PRPSAP2: variants seen among roughly 807,000 people sequenced by gnomAD.
PRPSAP2 encodes the protein phosphoribosyl pyrophosphate synthetase associated protein 2.
Under a neutral mutation model 40.6 loss-of-function variants are expected in PRPSAP2, and 24 were observed. The ratio of observed to expected loss-of-function variants is 0.59; its 90% CI spans 0.43 to 0.83. PRPSAP2 has a LOEUF of 0.83. Among genes scored for constraint, PRPSAP2 ranks in the 40% least tolerant of loss-of-function variants. The pLI, the probability that PRPSAP2 is intolerant of heterozygous loss-of-function variation, is 0.00. For missense variants in PRPSAP2, 292 were observed against 465.6 expected (o/e 0.63, Z 3.43); for synonymous variants, 149 against 164.7 (o/e 0.90, Z 0.73).
chr17:18,877,675 G>C (rs761708183), intron 5 of PRPSAP2, 23 bp from the exon 6 acceptor site: 8 of 1,591,256 alleles, frequency 5.0e-6, no homozygotes, highest in South Asian at 1.2e-5. Context: ...CCCTTGATGA[G>C]ATTTGCTGTG....
intron 8 of PRPSAP2, among the ~76,000 whole-genome samples, 157 bp from the exon 9 acceptor site, chr17:18,910,946 C>T (rs1004875807): frequency 6.6e-6 from 1 of 152,140 alleles, no homozygotes. Context: ...ACAGTTAGTC[C>T]TGGTTTCTAA....
rs1385769411 is a variant in PRPSAP2 at position 18,875,604 on chromosome 17, C to G, written c.240-2094C>G. On this transcript the variant is annotated intron_variant, in intron 5 of 11. Coordinates refer to ENST00000268835, the MANE Select transcript of PRPSAP2 (RefSeq NM_002767.4). ...AAAGGCTGGGCGAGGTGGCTTACAC[C>G]TATAATCCCAGAGCTTTGGGAGGCC... is the stretch of plus-strand genomic sequence containing the variant. Among the ~76,000 whole-genome samples the G allele has an allele frequency of 2.0e-5, 3 of 151,630 alleles. No individual in the cohort carries two copies. In the South Asian group the frequency reaches 6.2e-4, roughly 32 times the overall value.
rs145813303 is a variant in PRPSAP2 at position 18,865,860 on chromosome 17, A to G, written c.27A>G (p.Leu9=). Residue 9 remains leucine, a synonymous_variant, in exon 3 of 12, where the codon TTA becomes TTG. Transcript: ENST00000268835. ...TGTTTTGTGTGACGCCACCTGAATT[A>G]GAAACCAAGATGAACATAACCAAAG... The part of the protein sequence containing the change: MFCVTPPE[L]ETKMNITKGG... 9.7e-5 allele frequency: 147 copies of G among 1,521,558 alleles called. No individual in the cohort carries two copies. In the African/African-American group the frequency reaches 1.8e-3, roughly 18 times the overall value. 94.3% of individuals were successfully genotyped at this position (1,521,558 alleles called of 1,614,324 possible).
At chr17:18,923,813 C>T in intron 9 of PRPSAP2, 101 bp from the exon 10 acceptor site, 1 of 1,045,640 alleles carries the variant, frequency 9.6e-7, no homozygotes, top group East Asian at 2.6e-5. Context: ...CCTTGTATTC[C>T]TAGTTGGTTG....
intron 1 of PRPSAP2, among the ~76,000 whole-genome samples, chr17:18,863,329 A>G (rs891559099): frequency 2.0e-5 from 3 of 151,870 alleles, no homozygotes; most frequent in African/African-American, 4.8e-5. Context: ...GGGCTCAAGC[A>G]GTCAGCCCAC....
Position 18,858,170 on chromosome 17 carries a change from AT to A in PRPSAP2, c.-216del. 6.6e-6 allele frequency: 1 copy of A among 152,248 alleles called. No individual in the cohort carries two copies. The allele number at this position is 152,248 out of a possible 1,614,324, so 9.4% of individuals were successfully genotyped here. ...CGCCAATCTTGTGCATGGAGTCGCCATTTTGCTCCTAGAGAGGCCGCCAGGA... is the reference window on the plus strand; with the variant it reads ...CGCCAATCTTGTGCATGGAGTCGCCATTTGCTCCTAGAGAGGCCGCCAGGA... On this transcript the variant is annotated 5_prime_UTR_variant, in exon 1 of 12. It removes the in-frame stop codon of an upstream open reading frame in the 5' UTR. Coordinates refer to ENST00000268835, the MANE Select transcript of PRPSAP2 (RefSeq NM_002767.4).
chr17:18,892,795 C>T (rs143151514), intron 8 of PRPSAP2, among the ~76,000 whole-genome samples: 2,890 of 150,024 alleles, frequency 0.019, 72 homozygotes, highest in African/African-American at 0.059. Flanking sequence ...AGTGCAGTGG[C>T]GCGATCTCGG....
chr17:18,886,039 A>G (rs746686075), intron 7 of PRPSAP2, among the ~76,000 whole-genome samples: 14 of 152,038 alleles, frequency 9.2e-5, no homozygotes, highest in Non-Finnish European at 1.5e-4. Flanking sequence ...GCCTTTTTAT[A>G]GTATACGTAT....
At chr17:18,869,196 G>A (rs986967107) in intron 4 of PRPSAP2, among the ~76,000 whole-genome samples, 6 of 152,100 alleles carry the variant, frequency 3.9e-5, no homozygotes, top group African/African-American at 1.4e-4. Flanking sequence ...TATTGGGAAG[G>A]AAGGAAGTAA....
intron 7 of PRPSAP2, among the ~76,000 whole-genome samples, chr17:18,883,466 A>C (rs2151911610): frequency 6.8e-6 from 1 of 146,012 alleles, no homozygotes; most frequent in East Asian, 2.0e-4. Flanking sequence ...GTAATGGCGC[A>C]ATCTCAGCCC....
At chr17:18,919,378 C>T (rs1291080215) in intron 9 of PRPSAP2, among the ~76,000 whole-genome samples, 1 of 151,896 alleles carries the variant, frequency 6.6e-6, no homozygotes, top group East Asian at 1.9e-4. Context: ...TGTGGTGGTT[C>T]GTGCCTGTAA....
chr17:18,886,630 T>G (rs189227060), intron 7 of PRPSAP2, among the ~76,000 whole-genome samples: 3 of 152,202 alleles, frequency 2.0e-5, no homozygotes, highest in African/African-American at 7.2e-5. Context: ...AGTGCTGGGA[T>G]TACAGGTGTG....
At chr17:18,889,913 C>T in intron 8 of PRPSAP2, 36 bp downstream of exon 8, 1 of 1,579,084 alleles carries the variant, frequency 6.3e-7, no homozygotes, top group Non-Finnish European at 8.7e-7. Context: ...TCTGGATCTA[C>T]TTCTAAGGAT....
chr17:18,870,085 A>G (rs1274442603), intron 4 of PRPSAP2, among the ~76,000 whole-genome samples: 1 of 151,948 alleles, frequency 6.6e-6, no homozygotes, highest in Admixed American at 6.6e-5. Flanking sequence ...CTGACCTCAA[A>G]TGATCATCCA....
intron 1 of PRPSAP2, among the ~76,000 whole-genome samples, chr17:18,860,138 C>T (rs922232685): frequency 2.0e-5 from 3 of 152,134 alleles, no homozygotes; most frequent in Non-Finnish European, 2.9e-5. Context: ...CAGCTCACTG[C>T]AACCTCTGCC....
intron 4 of PRPSAP2, among the ~76,000 whole-genome samples, chr17:18,869,255 G>T (rs1173681739): frequency 1.3e-5 from 2 of 152,080 alleles, no homozygotes; most frequent in Non-Finnish European, 2.9e-5. Context: ...CTGAGTTCAG[G>T]AGTTCAGGGA....
chr17:18,880,533 A>G (rs1305594802), intron 6 of PRPSAP2, among the ~76,000 whole-genome samples: 3 of 152,016 alleles, frequency 2.0e-5, no homozygotes, highest in Admixed American at 6.6e-5. Context: ...TAGCTTCCAG[A>G]GTAACTAGGG....
At chr17:18,861,894 T>G (rs1160493828) in intron 1 of PRPSAP2, among the ~76,000 whole-genome samples, 2 of 151,734 alleles carry the variant, frequency 1.3e-5, no homozygotes, top group African/African-American at 2.4e-5. Flanking sequence ...TTTGTTTGTT[T>G]GTTTGTTTGT....
chr17:18,884,290 T>C (rs1054253273), intron 7 of PRPSAP2, among the ~76,000 whole-genome samples: 1 of 151,816 alleles, frequency 6.6e-6, no homozygotes, highest in Admixed American at 6.6e-5. Context: ...AAAACAAAAA[T>C]ACTCTAACAA....
Sources: allele counts gnomAD v4.1 joint callset (sites outside exome capture counted in the v4.1 genomes callset), GRCh38; gene constraint gnomAD v4.1.1; transcripts MANE v1.5; gene names NCBI Gene and HGNC (gene_info 2026-07-23, HGNC 2026-07-21).